Variants in GRK6 observed in about 807,000 individuals in gnomAD.
The protein encoded by GRK6 is G protein-coupled receptor kinase 6.
In GRK6, 37 loss-of-function variants were observed where a neutral mutation model predicts 80.8. The ratio of observed to expected loss-of-function variants is 0.46; its 90% CI spans 0.35 to 0.60. The LOEUF (loss-of-function observed/expected upper bound fraction) is 0.60, where lower values mean the gene tolerates loss of function less well. GRK6 is among the 20% of genes least tolerant of loss of function. GRK6 has a pLI of 0.00. For missense variants in GRK6, 560 were observed against 784.6 expected, an observed-to-expected ratio of 0.71 and a Z score of 3.42; for synonymous variants, 295 against 320.9, an observed-to-expected ratio of 0.92 and a Z score of 0.86.
At position 177,432,327 on chromosome 5, in the gene GRK6, G is replaced by A. The variant is rs752671946; in HGVS notation, c.339+17G>A. ...AGCCACACGGTGAGTGAGCAGCGAT[G>A]GAGAGATGATGGGAGCCACCAGAGC... On this transcript the variant is annotated intron_variant, in intron 4 of 15. Coordinates refer to ENST00000355472, the MANE Select transcript of GRK6 (RefSeq NM_001004106.3). The A allele has an allele frequency of 3.7e-6, 6 of 1,610,712 alleles. No individual in the cohort carries two copies. In the South Asian group the frequency reaches 5.5e-5, roughly 15 times the overall value.
At chr5:177,431,911 G>T (rs759428519) in intron 2 of GRK6, 84 bp from the exon 3 acceptor site, 2 of 1,190,038 alleles carry the variant, frequency 1.7e-6, no homozygotes, top group Non-Finnish European at 2.5e-6. Flanking sequence ...CTGTTGTGGG[G>T]GCCCAGGGCC....
intron 13 of GRK6, 50 bp from the exon 14 acceptor site, chr5:177,440,650 G>C: frequency 1.2e-6 from 2 of 1,602,634 alleles, no homozygotes; most frequent in East Asian, 2.2e-5. Flanking sequence ...AGCTGCCTTC[G>C]CGTGTGCGTG....
intron 11 of GRK6, 132 bp from the exon 12 acceptor site, chr5:177,435,941 C>T: frequency 1.4e-6 from 1 of 725,708 alleles, no homozygotes; most frequent in East Asian, 2.7e-5. Context: ...CCTGTGCTCT[C>T]CTACTGGCCA....
chr5:177,432,829 G>A, intron 5 of GRK6, 23 bp downstream of exon 5: 2 of 1,572,344 alleles, frequency 1.3e-6, no homozygotes, highest in South Asian at 1.1e-5. Context: ...CTGCCCACAA[G>A]CCTGGAATTA....
At chr5:177,434,791 C>T (rs982296721) in intron 9 of GRK6, 111 bp from the exon 10 acceptor site, 125 of 1,216,200 alleles carry the variant, frequency 1.0e-4, no homozygotes, top group Non-Finnish European at 1.2e-4. Flanking sequence ...AAATGAGTCT[C>T]GCACCTTGCT....
At chr5:177,430,755 G>A in intron 1 of GRK6, 117 bp from the exon 2 acceptor site, 3 of 792,212 alleles carry the variant, frequency 3.8e-6, no homozygotes, top group Non-Finnish European at 6.4e-6. Flanking sequence ...GGCCTGAGGT[G>A]CTGTTCTGCC....
At chr5:177,440,345 G>A (rs1764410363) in intron 13 of GRK6, among the ~76,000 whole-genome samples, 2 of 152,210 alleles carry the variant, frequency 1.3e-5, no homozygotes, top group South Asian at 4.1e-4. Flanking sequence ...TCCAGGCTCT[G>A]CGTGGTGGTG....
upstream of GRK6, among the ~76,000 whole-genome samples, chr5:177,425,888 T>G (rs1162712733): frequency 1.3e-5 from 2 of 152,240 alleles, no homozygotes; most frequent in Non-Finnish European, 2.9e-5. Context: ...CCACTTGACG[T>G]CCGGCGCCTC....
chr5:177,432,158 C>T, intron 3 of GRK6, 51 bp downstream of exon 3: 1 of 1,608,176 alleles, frequency 6.2e-7, no homozygotes, highest in South Asian at 1.1e-5. Flanking sequence ...AGGTCCTGGC[C>T]CCATGTGCCC....
At chr5:177,440,368 G>A (rs1318847457) in intron 13 of GRK6, among the ~76,000 whole-genome samples, 1 of 152,342 alleles carries the variant, frequency 6.6e-6, no homozygotes, top group South Asian at 2.1e-4. Flanking sequence ...CAGCGGAGGG[G>A]CCGGCTGAGA....
At chr5:177,434,831 T>G in intron 9 of GRK6, 71 bp from the exon 10 acceptor site, 4 of 1,572,810 alleles carry the variant, frequency 2.5e-6, no homozygotes, top group Non-Finnish European at 2.6e-6. Context: ...GCGAGTGAGC[T>G]GGGGGGGCTG....
At position 177,435,075 on chromosome 5, in the gene GRK6, C is replaced by T. The variant is rs767520318; in HGVS notation, c.1011C>T (p.Pro337=). ...ACCTGGGACTAGCTGTGCATGTGCC[C>T]GAGGGCCAGACCATCAAAGGGCGTG... ...ISDLGLAVHV[P]EGQTIKGRVG... The change falls in exon 11 of 16, where the codon CCC becomes CCT. Residue 337 remains proline, a synonymous_variant. Transcript: ENST00000355472. The T allele has an allele frequency of 1.6e-5, 26 of 1,612,060 alleles. No homozygotes were observed. Among genetic ancestry groups the T allele is most frequent in the South Asian group, 6.6e-5 (6 of 90,980 alleles).
Position 177,433,600 on chromosome 5 carries a change from G to T in GRK6, c.662G>T (p.Arg221Leu). ...MYACKKLEKK[R>L]IKKRKGEAMA... Reference sequence around the variant, plus strand: ...GCCTGCAAGAAGCTAGAGAAAAAGCGGATCAAGAAGCGGAAAGGGGAGGCC... The same window carrying T: ...GCCTGCAAGAAGCTAGAGAAAAAGCTGATCAAGAAGCGGAAAGGGGAGGCC... Residue 221 changes from arginine to leucine, a missense_variant, in exon 8 of 16, where the codon CGG (arginine) becomes CTG (leucine). Arg to Leu is a moderately radical substitution (Grantham distance 102). Transcript: ENST00000355472. The T allele has an allele frequency of 6.2e-7, 1 of 1,614,168 alleles. No homozygotes were observed. Among genetic ancestry groups the T allele is most frequent in the Non-Finnish European group, 8.5e-7 (1 of 1,180,034 alleles).
rs1410021698 is a variant in GRK6, at chr5:177,429,486, C to T, written c.53-1386C>T. On this transcript the variant is annotated intron_variant, in intron 1 of 15. Transcript: ENST00000355472. This position sits in a 1 kb window ranked among gnomAD's most constrained non-coding sequence, Gnocchi z 4.3. ...AGTTCCCCTTCTGGGAAGGCCTTGC[C>T]CTGGGTTGAGGGGTGGGTGTCTGTT... Among the ~76,000 whole-genome samples the T allele has an allele frequency of 6.6e-6, 1 of 152,020 alleles. No individual in the cohort carries two copies. The highest frequency in any genetic ancestry group is 2.4e-5 in the African/African-American group (1 of 41,382).
intron 13 of GRK6, among the ~76,000 whole-genome samples, chr5:177,439,381 A>C (rs549339398): frequency 6.6e-6 from 1 of 152,234 alleles, no homozygotes; most frequent in Admixed American, 6.5e-5. Flanking sequence ...CTCTACTAAA[A>C]ATACAAAAAT....
At chr5:177,436,594 T>C in intron 13 of GRK6, 64 bp downstream of exon 13, 2 of 1,446,738 alleles carry the variant, frequency 1.4e-6, no homozygotes, top group Non-Finnish European at 1.9e-6. Context: ...GGGGCTCTTG[T>C]AGTATCAGCC....
At position 177,426,826 on chromosome 5, in the gene GRK6, G is replaced by T. The variant is rs1295560407; in HGVS notation, c.-20G>T. ...CCCGGCCGGCGGCGCGGCCCGGCGG[G>T]CCAGGCGGCGCCACAGCCCATGGAG... is the stretch of plus-strand genomic sequence containing the variant. On this transcript the variant is annotated 5_prime_UTR_variant, in exon 1 of 16. Coordinates refer to ENST00000355472, the MANE Select transcript of GRK6 (RefSeq NM_001004106.3). 8.2e-7 allele frequency: 1 copy of T among 1,220,380 alleles called. No individual in the cohort carries two copies. The highest frequency in any genetic ancestry group is 3.3e-5 in the East Asian group (1 of 30,054). The allele number at this position is 1,220,380 out of a possible 1,614,324, so 75.6% of individuals were successfully genotyped here.
Position 177,440,775 on chromosome 5 carries a change from A to G in GRK6, c.1480A>G (p.Thr494Ala), listed in dbSNP as rs770581380. The G allele has an allele frequency of 3.1e-6, 5 of 1,614,178 alleles. No individual in the cohort carries two copies. The East Asian group carries it at 1.1e-4, about 36-fold the overall frequency. The change falls in exon 14 of 16, where the codon ACC becomes GCC. Residue 494 changes from threonine (T) to alanine (A), a missense_variant. Physicochemically the swap from Thr to Ala is moderately conservative, Grantham distance 58. Coordinates refer to ENST00000355472, the MANE Select transcript of GRK6 (RefSeq NM_001004106.3). ...STVKGVELEP[T>A]DQDFYQKFAT... is the part of the protein sequence containing the mutation. The stretch of plus-strand genomic sequence containing the variant: ...GGTCAAGGGCGTGGAGCTGGAGCCT[A>G]CCGACCAGGACTTCTACCAGAAGTT...
intron 1 of GRK6, among the ~76,000 whole-genome samples, chr5:177,427,404 G>C (rs983147903): frequency 6.6e-6 from 1 of 152,226 alleles, no homozygotes; most frequent in South Asian, 2.1e-4. Flanking sequence ...CACTTGCTCC[G>C]TGCCTCAGGA....
Sources: gnomAD v4.1 joint callset for allele counts (sites outside exome capture counted in the v4.1 genomes callset) on GRCh38, gnomAD v4.1.1 for gene constraint, Gnocchi (gnomAD v3.1) non-coding constraint, MANE v1.5 for transcripts, NCBI Gene and HGNC (gene_info 2026-07-23, HGNC 2026-07-21) for gene names.